The following CBFA2T2 variants were observed in gnomAD, a reference collection of about 807,000 sequenced individuals.
CBFA2T2 encodes CBFA2/RUNX1 partner transcriptional co-repressor 2.
A neutral mutation model predicts 62.2 loss-of-function variants in CBFA2T2; 11 were observed. The observed-to-expected ratio is 0.18, with a 90% CI of 0.11 to 0.29. CBFA2T2 has a LOEUF of 0.29. Ranked by LOEUF, CBFA2T2 falls within the 10% of genes least tolerant of loss-of-function variation. CBFA2T2 has a pLI of 1.00. For synonymous variants in CBFA2T2, 295 were observed against 287.5 expected, an observed-to-expected ratio of 1.03 and a Z score of -0.27; for missense variants, 592 against 774.1, an observed-to-expected ratio of 0.76 and a Z score of 2.79.
At chr20:33,618,421 A>T (rs537325417) in intron 3 of CBFA2T2, 1 of 152,270 alleles carries the variant, frequency 6.6e-6, no homozygotes, top group East Asian at 1.9e-4. Context: ...TTTGAAGAAA[A>T]TATTTTTATT....
chr20:33,648,959 G>A lies in CBFA2T2; in HGVS notation c.*4313G>A, dbSNP rs898981219. The A allele has an allele frequency of 1.3e-5, 2 of 152,086 alleles. No homozygotes were observed. The highest frequency in any genetic ancestry group is 2.9e-5 in the Non-Finnish European group (2 of 68,036). The allele number at this position is 152,086 out of a possible 1,614,324, so 9.4% of individuals were successfully genotyped here. On this transcript the variant is annotated 3_prime_UTR_variant, in exon 11 of 11. Transcript: ENST00000342704. ...TTCTAGAGGATATCGCAACAAGTGC[G>A]TTTGAAGGTTCAGCACAGCTGGAAT...
chr20:33,571,080 C>T (rs1176254184), intron 1 of CBFA2T2, among the ~76,000 whole-genome samples: 1 of 152,156 alleles, frequency 6.6e-6, no homozygotes, highest in Non-Finnish European at 1.5e-5. Context: ...TGTTAACTTC[C>T]ATCTTTATCT....
Position 33,640,364 on chromosome 20 carries a change from A to C in CBFA2T2, c.1321A>C (p.Ile441Leu). Reference sequence around the variant, plus strand: ...AGAAGAAGCTGTGAATAAGGTGAAAATTCAGGCCATGTCAGAAGTACAGAA... The same window carrying C: ...AGAAGAAGCTGTGAATAAGGTGAAACTTCAGGCCATGTCAGAAGTACAGAA... ...KTEEAVNKVK[I>L]QAMSEVQKAV... The change falls in exon 10 of 11, where the codon ATT becomes CTT. Residue 441 changes from isoleucine (I) to leucine (L), a missense_variant. This residue lies in a region of CBFA2T2 where 58 missense variants were observed against 123.9 expected (regional missense o/e 0.47). Coordinates refer to ENST00000342704, the MANE Select transcript of CBFA2T2 (RefSeq NM_001032999.3). 6.2e-7 allele frequency: 1 copy of C among 1,613,972 alleles called. No homozygotes were observed. Among genetic ancestry groups the C allele is most frequent in the Non-Finnish European group, 8.5e-7 (1 of 1,179,916 alleles).
chr20:33,546,111 T>G (rs1162356885), intron 1 of CBFA2T2, among the ~76,000 whole-genome samples: 1 of 152,234 alleles, frequency 6.6e-6, no homozygotes, highest in Non-Finnish European at 1.5e-5. Context: ...TTAAATTTGT[T>G]TATCTGAGGG....
chr20:33,519,912 C>T (rs770194232), intron 1 of CBFA2T2, among the ~76,000 whole-genome samples: 39 of 151,904 alleles, frequency 2.6e-4, no homozygotes, highest in Admixed American at 6.6e-5. Flanking sequence ...TTTGGGAGGC[C>T]GAGGCAGGCG....
intron 1 of CBFA2T2, among the ~76,000 whole-genome samples, chr20:33,522,577 T>C (rs983732432): frequency 2.0e-5 from 3 of 151,328 alleles, no homozygotes; most frequent in African/African-American, 4.9e-5. Flanking sequence ...AAAAAAAAAA[T>C]TAAAAAAATA....
At chr20:33,549,143 C>T (rs1004347785) in intron 1 of CBFA2T2, among the ~76,000 whole-genome samples, 3 of 152,134 alleles carry the variant, frequency 2.0e-5, no homozygotes, top group Admixed American at 2.0e-4. Context: ...TGACAAACTA[C>T]TGATGAGAGC....
At chr20:33,518,049 A>G (rs892301672) in intron 1 of CBFA2T2, among the ~76,000 whole-genome samples, 1 of 151,966 alleles carries the variant, frequency 6.6e-6, no homozygotes, top group Non-Finnish European at 1.5e-5. Flanking sequence ...TCCAGGTTCA[A>G]GTGATTCTCC....
intron 1 of CBFA2T2, among the ~76,000 whole-genome samples, chr20:33,511,028 G>T (rs1221882217): frequency 6.6e-6 from 1 of 152,114 alleles, no homozygotes; most frequent in Non-Finnish European, 1.5e-5. Context: ...GTAGATTCTG[G>T]ATATTAACCC....
chr20:33,501,692 T>C (rs942874098), intron 1 of CBFA2T2, among the ~76,000 whole-genome samples: 2 of 123,168 alleles, frequency 1.6e-5, no homozygotes, highest in Non-Finnish European at 3.2e-5. Flanking sequence ...CAGGCTGGAG[T>C]GCAGTGGTGC....
intron 1 of CBFA2T2, among the ~76,000 whole-genome samples, chr20:33,495,804 T>G (rs1425068194): frequency 6.6e-6 from 1 of 152,218 alleles, no homozygotes; most frequent in East Asian, 1.9e-4. Flanking sequence ...GTTTTGAGAC[T>G]TCAGGCTCAT....
rs142654211 is a variant in CBFA2T2, at chr20:33,631,582, C to G, written c.1228+1668C>G. Among the ~76,000 whole-genome samples the G allele has an allele frequency of 1.2e-3, 183 of 152,354 alleles. 1 individual carries two copies. The highest frequency in any genetic ancestry group is 4.3e-3 in the African/African-American group (178 of 41,580). ...TCTTGCTGGAGTCATTCAGGTCTTG[C>G]TGGAGTCATTTAAACATGGCTATGC... On this transcript the variant is annotated intron_variant, in intron 8 of 10. Transcript: ENST00000342704.
intron 1 of CBFA2T2, among the ~76,000 whole-genome samples, chr20:33,556,512 A>G (rs1476463983): frequency 6.6e-6 from 1 of 152,188 alleles, no homozygotes; most frequent in Admixed American, 6.5e-5. Flanking sequence ...TGTTGGGTAT[A>G]TTTAGAGATG....
chr20:33,518,645 G>C (rs1306632601), intron 1 of CBFA2T2, among the ~76,000 whole-genome samples: 1 of 151,428 alleles, frequency 6.6e-6, no homozygotes, highest in Admixed American at 6.6e-5. Context: ...GGTGGCACAT[G>C]CCTATAATCC....
chr20:33,490,301 C>A lies in CBFA2T2; in HGVS notation c.34C>A (p.Leu12Ile). The change falls in exon 1 of 11, where the codon CTT becomes ATT. Residue 12 changes from leucine (L) to isoleucine (I), a missense_variant and splice_region_variant. By Grantham distance (5) the Leu-to-Ile change is conservative. Around this residue, in one of 3 missense-constraint regions of CBFA2T2, gnomAD observed 449 missense variants for 551.2 expected, o/e 0.81. Coordinates refer to ENST00000342704, the MANE Select transcript of CBFA2T2 (RefSeq NM_001032999.3). ...VGVPGAAAFQ[L>I]GPEKRVPAMP... ...CGTCCCTGGAGCGGCCGCCTTCCAG[C>A]GTAAGTGGGGCGTGAATGCGGGCGG... is the stretch of plus-strand genomic sequence containing the variant. The A allele has an allele frequency of 1.6e-6, 2 of 1,280,886 alleles. No homozygotes were observed. Among genetic ancestry groups the A allele is most frequent in the South Asian group, 3.2e-5 (1 of 31,108 alleles). 79.3% of individuals were successfully genotyped at this position (1,280,886 alleles called of 1,614,324 possible).
chr20:33,495,463 G>A (rs926345627), intron 1 of CBFA2T2, among the ~76,000 whole-genome samples: 2 of 150,814 alleles, frequency 1.3e-5, no homozygotes, highest in African/African-American at 4.9e-5. Context: ...TGAGGTGGGC[G>A]GATCACGAGG....
chr20:33,512,354 A>C (rs2011525389), intron 1 of CBFA2T2, among the ~76,000 whole-genome samples: 1 of 151,006 alleles, frequency 6.6e-6, no homozygotes, highest in African/African-American at 2.4e-5. Flanking sequence ...CCCTCTCAAC[A>C]AAAAAAAAGT....
chr20:33,623,776 C>T, intron 5 of CBFA2T2: 1 of 713,204 alleles, frequency 1.4e-6, no homozygotes, highest in Non-Finnish European at 2.6e-6. Flanking sequence ...TACCTAGCTG[C>T]ATAATACATC....
rs6141958 is a variant in CBFA2T2, at chr20:33,503,488, C to T, written c.34+13187C>T. Among the ~76,000 whole-genome samples, 26 of 152,010 alleles carry T rather than the reference C, an allele frequency of 1.7e-4. No homozygotes were observed. In the East Asian group the frequency reaches 4.6e-3, roughly 27 times the overall value. ...CAGGCTGGTATCGAACTCCTGACCT[C>T]GTGATCCGCCCGCCTCGGCCTCCCA... On this transcript the variant is annotated intron_variant, in intron 1 of 10. Coordinates refer to ENST00000342704, the MANE Select transcript of CBFA2T2 (RefSeq NM_001032999.3).
Sources: gnomAD v4.1 joint callset for allele counts (sites outside exome capture counted in the v4.1 genomes callset) on GRCh38, gnomAD v4.1.1 for gene constraint, gnomAD v4.1.1 regional missense constraint, MANE v1.5 for transcripts, NCBI Gene and HGNC (gene_info 2026-07-23, HGNC 2026-07-21) for gene names.